STOML2: variants seen among roughly 807,000 people sequenced by gnomAD.
STOML2 encodes stomatin like 2.
Under a neutral mutation model 45.7 loss-of-function variants are expected in STOML2, and 22 were observed. The observed-to-expected ratio is 0.48, with a 90% CI of 0.34 to 0.69. The LOEUF is 0.69. STOML2 is among the 30% of genes least tolerant of loss of function. The probability of loss-of-function intolerance (pLI) is 0.01; values close to 1 mark genes in which losing one functional copy is unlikely to be tolerated. For synonymous variants in STOML2, 181 were observed against 182.7 expected (o/e 0.99, Z 0.08); for missense variants, 359 against 466.9 (o/e 0.77, Z 2.13).
At position 35,102,135 on chromosome 9, in the gene STOML2, T is replaced by A; in HGVS notation, c.243A>T (p.Glu81Asp). Residue 81 changes from glutamate (E) to aspartate (D), a missense_variant, in exon 3 of 10, where the codon GAA (glutamate) becomes GAT (aspartate). By Grantham distance (45) the Glu-to-Asp change is conservative. Transcript: ENST00000356493. The surrounding 1 kb of genome is among the most constrained non-coding windows in gnomAD (Gnocchi z 4.8). The part of the protein sequence containing the change: ...DRIRYVQSLK[E>D]IVINVPEQSA... The stretch of plus-strand genomic sequence containing the variant: ...ACTGCTCAGGCACGTTGATGACAAT[T>A]TCCTTGAGACTCTGCACATATCGGA... 10 of 1,613,410 alleles carry A rather than the reference T, an allele frequency of 6.2e-6. No homozygotes were observed. Among genetic ancestry groups the A allele is most frequent in the Non-Finnish European group, 7.6e-6 (9 of 1,179,930 alleles).
rs1829852009 is a variant in STOML2 at position 35,102,790 on chromosome 9, G to A, written c.79C>T (p.Arg27Cys). The change falls in exon 2 of 10, where the codon CGC (arginine) becomes TGC (cysteine). Residue 27 changes from arginine to cysteine, a missense_variant. Around this residue, in one of 2 missense-constraint regions of STOML2, gnomAD observed 74 missense variants for 45.0 expected, o/e 1.65. Transcript: ENST00000356493. This position sits in a 1 kb window ranked among gnomAD's most constrained non-coding sequence, Gnocchi z 4.8. ...TTTCGGGGCAATCCAGAGGAGGCGC[G>A]GCGCGGAGCGCGGCCAGAAGCCAGT... ...SLLASGRAPRRASSGLPRNTV... is the reference protein window; with the variant it reads ...SLLASGRAPRCASSGLPRNTV... 3 of 1,614,020 alleles carry A rather than the reference G, an allele frequency of 1.9e-6. No individual in the cohort carries two copies. The highest frequency in any genetic ancestry group is 2.5e-6 in the Non-Finnish European group (3 of 1,179,982).
At position 35,101,636 on chromosome 9, in the gene STOML2, T is replaced by A; in HGVS notation, c.444+74A>T. 1 of 1,613,810 alleles carries A rather than the reference T, an allele frequency of 6.2e-7. No individual in the cohort carries two copies. The highest frequency in any genetic ancestry group is 8.5e-7 in the Non-Finnish European group (1 of 1,179,822). On this transcript the variant is annotated intron_variant, in intron 5 of 9. Transcript: ENST00000356493. The surrounding 1 kb of genome is among the most constrained non-coding windows in gnomAD (Gnocchi z 4.3). ...TACACTGAGAAGGGCCTGGGACTGA[T>A]CTTGACCTTCAGAAAAGATTAAGAG...
chr9:35,102,280 C>T lies in STOML2; in HGVS notation c.184-86G>A, dbSNP rs1304446824. The T allele has an allele frequency of 2.7e-6, 3 of 1,127,054 alleles. No homozygotes were observed. In the East Asian group the frequency reaches 7.3e-5, roughly 27 times the overall value. 69.8% of individuals were successfully genotyped at this position (1,127,054 alleles called of 1,614,324 possible). On this transcript the variant is annotated intron_variant, in intron 2 of 9. Transcript: ENST00000356493. This position sits in a 1 kb window ranked among gnomAD's most constrained non-coding sequence, Gnocchi z 4.8. The stretch of plus-strand genomic sequence containing the variant: ...AGTCCTGGAGTATGTAGGGAGTCAA[C>T]ACATGGAACATGCCCAGAAAAGCAG...
chr9:35,101,327 C>G lies in STOML2; in HGVS notation c.580-48G>C, dbSNP rs774002985. 4.3e-6 allele frequency: 7 copies of G among 1,613,644 alleles called. No individual in the cohort carries two copies. The highest frequency in any genetic ancestry group is 1.7e-5 in the Admixed American group (1 of 60,008). The stretch of plus-strand genomic sequence containing the variant: ...ATCAACAAGCCAAGGGAGACTGATA[C>G]AGACATGCAACTCTACCCATCATAA... On this transcript the variant is annotated intron_variant, in intron 6 of 9. Coordinates refer to ENST00000356493, the MANE Select transcript of STOML2 (RefSeq NM_013442.3). The surrounding 1 kb of genome is among the most constrained non-coding windows in gnomAD (Gnocchi z 4.3).
At chr9:35,100,782 G>T (rs1035744106) in intron 8 of STOML2, 56 bp from the exon 9 acceptor site, 5 of 1,613,348 alleles carry the variant, frequency 3.1e-6, no homozygotes, top group Non-Finnish European at 4.2e-6. Flanking sequence ...AGAAGGGGGG[G>T]ATGGGGAATG....
rs763766258 is a variant in STOML2, at chr9:35,102,185, T to G, written c.193A>C (p.Ile65Leu). 14 of 1,613,696 alleles carry G rather than the reference T, an allele frequency of 8.7e-6. No homozygotes were observed. Among genetic ancestry groups the G allele is most frequent in the Non-Finnish European group, 1.2e-5 (14 of 1,179,920 alleles). ...ATCCGGTCTAACACAGGGATGAGGA[T>G]GTTCAAACCCTGGAAAGAGGAGTCA... ...FHRILEPGLN[I>L]LIPVLDRIRY... The change falls in exon 3 of 10, where the codon ATC becomes CTC. Residue 65 changes from isoleucine to leucine, a missense_variant. This residue lies in a region of STOML2 where 285 missense variants were observed against 422.0 expected (regional missense o/e 0.68). Transcript: ENST00000356493. This position sits in a 1 kb window ranked among gnomAD's most constrained non-coding sequence, Gnocchi z 4.8.
chr9:35,101,622 G>A lies in STOML2; in HGVS notation c.445-62C>T, dbSNP rs1235602583. 2 of 1,613,790 alleles carry A rather than the reference G, an allele frequency of 1.2e-6. No homozygotes were observed. Among genetic ancestry groups the A allele is most frequent in the African/African-American group, 1.3e-5 (1 of 74,910 alleles). On this transcript the variant is annotated intron_variant, in intron 5 of 9. Coordinates refer to ENST00000356493, the MANE Select transcript of STOML2 (RefSeq NM_013442.3). This position sits in a 1 kb window ranked among gnomAD's most constrained non-coding sequence, Gnocchi z 4.3. ...ACCTATCAAGGGCCTACACTGAGAA[G>A]GGCCTGGGACTGATCTTGACCTTCA...
chr9:35,100,570 C>T (rs1457363215), intron 9 of STOML2, 28 bp downstream of exon 9: 1 of 1,612,400 alleles, frequency 6.2e-7, no homozygotes, highest in East Asian at 2.2e-5. Context: ...CACCAGTGCT[C>T]TATGCTGGGT....
rs1295543939 is a variant in STOML2 at position 35,101,809 on chromosome 9, T to C, written c.345A>G (p.Ala115=). 4 of 1,614,156 alleles carry C rather than the reference T, an allele frequency of 2.5e-6. No individual in the cohort carries two copies. Among genetic ancestry groups the C allele is most frequent in the Non-Finnish European group, 3.4e-6 (4 of 1,180,024 alleles). ...LYLRIMDPYK[A]SYGVEDPEYA... is the part of the protein sequence containing the mutation. ...ACTCAGGGTCCTCCACACCGTAGCT[T>C]GCCTGAGATGGACACGGATAGTGTA... is the stretch of plus-strand genomic sequence containing the variant. Residue 115 remains alanine (A), a splice_region_variant and synonymous_variant, in exon 5 of 10, where the codon GCA becomes GCG. Transcript: ENST00000356493. The surrounding 1 kb of genome is among the most constrained non-coding windows in gnomAD (Gnocchi z 4.3).
At position 35,102,934 on chromosome 9, in the gene STOML2, T is replaced by C. The variant is rs1394795534; in HGVS notation, c.46-111A>G. On this transcript the variant is annotated intron_variant, in intron 1 of 9. Coordinates refer to ENST00000356493, the MANE Select transcript of STOML2 (RefSeq NM_013442.3). The surrounding 1 kb of genome is among the most constrained non-coding windows in gnomAD (Gnocchi z 4.8). ...CCCTCAGGATCCTCGGAGAATCACA[T>C]GGGGACCATGACCTCTGACCCCAGT... 25 of 1,578,508 alleles carry C rather than the reference T, an allele frequency of 1.6e-5. No individual in the cohort carries two copies. The highest frequency in any genetic ancestry group is 2.2e-5 in the Non-Finnish European group (25 of 1,160,202).
In STOML2 at chr9:35,101,865, G is replaced by A. The variant is rs1364633006; in HGVS notation, c.342+39C>T. ...CTTGGGCACAAGATTTTAGTGAAGA[G>A]GGCAACTCAAAAGGCTGGATAAAGT... On this transcript the variant is annotated intron_variant, in intron 4 of 9. Coordinates refer to ENST00000356493, the MANE Select transcript of STOML2 (RefSeq NM_013442.3). This position sits in a 1 kb window ranked among gnomAD's most constrained non-coding sequence, Gnocchi z 4.3. 1.2e-6 allele frequency: 2 copies of A among 1,614,062 alleles called. No homozygotes were observed. The highest frequency in any genetic ancestry group is 2.2e-5 in the East Asian group (1 of 44,878).
At chr9:35,100,231 TACC>T in intron 9 of STOML2, 59 bp from the exon 10 acceptor site, 1 of 1,590,396 alleles carries the variant, frequency 6.3e-7, no homozygotes, top group South Asian at 1.1e-5. Flanking sequence ...CAGCCCAGCC[TACC>T]AATGGCTAAA....
chr9:35,103,137 G>A, upstream of STOML2: 1 of 1,608,458 alleles, frequency 6.2e-7, no homozygotes, highest in East Asian at 2.2e-5. Flanking sequence ...GAGACGAGCG[G>A]AGCGGTCGCT....
chr9:35,101,859 T>C lies in STOML2; in HGVS notation c.342+45A>G, dbSNP rs760901687. On this transcript the variant is annotated intron_variant, in intron 4 of 9. Coordinates refer to ENST00000356493, the MANE Select transcript of STOML2 (RefSeq NM_013442.3). This position sits in a 1 kb window ranked among gnomAD's most constrained non-coding sequence, Gnocchi z 4.3. ...AAGAAGCTTGGGCACAAGATTTTAG[T>C]GAAGAGGGCAACTCAAAAGGCTGGA... The C allele has an allele frequency of 1.2e-6, 2 of 1,613,980 alleles. No homozygotes were observed. Among genetic ancestry groups the C allele is most frequent in the African/African-American group, 2.7e-5 (2 of 74,894 alleles).
chr9:35,101,824 C>T lies in STOML2; in HGVS notation c.343-13G>A, dbSNP rs187303999. The T allele has an allele frequency of 1.0e-4, 165 of 1,614,002 alleles. No homozygotes were observed. Among genetic ancestry groups the T allele is most frequent in the African/African-American group, 8.0e-5 (6 of 74,956 alleles). On this transcript the variant is annotated splice_polypyrimidine_tract_variant and intron_variant, in intron 4 of 9. Transcript: ENST00000356493. This position sits in a 1 kb window ranked among gnomAD's most constrained non-coding sequence, Gnocchi z 4.3. The stretch of plus-strand genomic sequence containing the variant: ...CACCGTAGCTTGCCTGAGATGGACA[C>T]GGATAGTGTAAGAAGCTTGGGCACA...
At chr9:35,103,144 C>T (rs201034956), upstream of STOML2, 3 of 1,606,692 alleles carry the variant, frequency 1.9e-6, no homozygotes, top group Non-Finnish European at 1.7e-6. Context: ...GCGGAGCGGT[C>T]GCTCCCAGAA....
At chr9:35,100,768 G>A in intron 8 of STOML2, 42 bp from the exon 9 acceptor site, 1 of 1,613,888 alleles carries the variant, frequency 6.2e-7, no homozygotes, top group Non-Finnish European at 8.5e-7. Flanking sequence ...CACCGATACG[G>A]AGAAGAAGGG....
chr9:35,102,700 G>C lies in STOML2; in HGVS notation c.169C>G (p.Arg57Gly), dbSNP rs761452134. Residue 57 changes from arginine to glycine, a missense_variant, in exon 2 of 10, where the codon CGG becomes GGG. Coordinates refer to ENST00000356493, the MANE Select transcript of STOML2 (RefSeq NM_013442.3). This position sits in a 1 kb window ranked among gnomAD's most constrained non-coding sequence, Gnocchi z 4.8. ...AGGTTTCTCACAGGCTCCAGGATCC[G>C]GTGGAATCGGCCCATTCGCTCCACC... The part of the protein sequence containing the change: ...WVVERMGRFH[R>G]ILEPGLNILI... The C allele has an allele frequency of 6.2e-7, 1 of 1,612,876 alleles. No individual in the cohort carries two copies. The highest frequency in any genetic ancestry group is 1.1e-5 in the South Asian group (1 of 91,032).
intron 9 of STOML2, 62 bp downstream of exon 9, chr9:35,100,536 G>A: frequency 6.2e-7 from 1 of 1,605,686 alleles, no homozygotes; most frequent in Non-Finnish European, 8.5e-7. Flanking sequence ...GATGACGGTG[G>A]TGGGGTCTCA....
Sources: gnomAD v4.1 joint callset for allele counts on GRCh38, gnomAD v4.1.1 for gene constraint, gnomAD v4.1.1 regional missense constraint, Gnocchi (gnomAD v3.1) non-coding constraint, MANE v1.5 for transcripts, NCBI Gene and HGNC (gene_info 2026-07-23, HGNC 2026-07-21) for gene names.